GRM8: variants seen among roughly 807,000 people sequenced by gnomAD.
GRM8 encodes the protein metabotropic glutamate receptor 8.
Under a neutral mutation model 87.2 loss-of-function variants are expected in GRM8, and 47 were observed. The ratio of observed to expected loss-of-function variants is 0.54; its 90% CI spans 0.43 to 0.69. The LOEUF (loss-of-function observed/expected upper bound fraction) is 0.69, where lower values mean the gene tolerates loss of function less well. Among genes scored for constraint, GRM8 ranks in the 30% least tolerant of loss-of-function variants. The probability of loss-of-function intolerance (pLI) is 0.00; values close to 1 mark genes in which losing one functional copy is unlikely to be tolerated. For missense variants in GRM8, 1,019 were observed against 1,139.2 expected, an observed-to-expected ratio of 0.89 and a Z score of 1.52; for synonymous variants, 396 against 404.5, an observed-to-expected ratio of 0.98 and a Z score of 0.25.
At chr7:126,551,308 C>T (rs1792556939) in intron 8 of GRM8, among the ~76,000 whole-genome samples, 3 of 152,150 alleles carry the variant, frequency 2.0e-5, no homozygotes, top group African/African-American at 7.2e-5. Context: ...TTTTTTGAAG[C>T]CCTCCTTACT....
At chr7:127,203,644 G>A (rs1349256590) in intron 2 of GRM8, among the ~76,000 whole-genome samples, 1 of 151,970 alleles carries the variant, frequency 6.6e-6, no homozygotes, top group East Asian at 1.9e-4. Context: ...GGAAGTGGAG[G>A]TTGCAGTGAT....
chr7:126,973,444 T>C (rs1300277639), intron 3 of GRM8, among the ~76,000 whole-genome samples: 1 of 152,184 alleles, frequency 6.6e-6, no homozygotes, highest in Non-Finnish European at 1.5e-5. Flanking sequence ...ATAACATCTA[T>C]CCAATAGGTT....
intron 8 of GRM8, among the ~76,000 whole-genome samples, chr7:126,591,082 T>C (rs577848352): frequency 2.0e-5 from 3 of 152,064 alleles, no homozygotes; most frequent in Non-Finnish European, 2.9e-5. Flanking sequence ...AGATACAGAA[T>C]GGCAGAATGG....
intron 6 of GRM8, among the ~76,000 whole-genome samples, chr7:126,835,919 T>C (rs1399949455): frequency 6.6e-6 from 1 of 152,216 alleles, no homozygotes; most frequent in Non-Finnish European, 1.5e-5. Context: ...AGAATACTTG[T>C]TCAACATCTA....
chr7:126,487,761 A>T (rs1425363956), intron 9 of GRM8, among the ~76,000 whole-genome samples: 1 of 152,110 alleles, frequency 6.6e-6, no homozygotes, highest in Non-Finnish European at 1.5e-5. Context: ...CACCAAAAAA[A>T]GTATTTAAGA....
chr7:126,829,255 C>G (rs1436258582), intron 6 of GRM8, among the ~76,000 whole-genome samples: 4 of 145,140 alleles, frequency 2.8e-5, no homozygotes, highest in Non-Finnish European at 6.0e-5. Flanking sequence ...CCTGGGTATC[C>G]TTGTTAACTT....
At chr7:127,142,638 TGATA>T (rs1828336076) in intron 2 of GRM8, among the ~76,000 whole-genome samples, 1 of 152,114 alleles carries the variant, frequency 6.6e-6, no homozygotes, top group East Asian at 1.9e-4. Context: ...CCAGATAAAT[TGATA>T]GATATATGAT....
At chr7:126,987,119 T>A (rs1586679754) in intron 3 of GRM8, among the ~76,000 whole-genome samples, 1 of 152,314 alleles carries the variant, frequency 6.6e-6, no homozygotes, top group Non-Finnish European at 1.5e-5. Flanking sequence ...CTCTCAATAT[T>A]CTAAATCATT....
chr7:126,481,990 G>A (rs1806740970), intron 9 of GRM8, among the ~76,000 whole-genome samples: 1 of 151,926 alleles, frequency 6.6e-6, no homozygotes, highest in Non-Finnish European at 1.5e-5. Context: ...TTAAGAAATG[G>A]GCAAAGGACT....
intron 9 of GRM8, among the ~76,000 whole-genome samples, chr7:126,487,649 C>T (rs1182780336): frequency 2.0e-5 from 3 of 151,850 alleles, no homozygotes; most frequent in African/African-American, 4.8e-5. Flanking sequence ...ATGATGATTT[C>T]CTAATATCAT....
chr7:126,507,467 C>A (rs571106875), intron 9 of GRM8, among the ~76,000 whole-genome samples: 59 of 152,058 alleles, frequency 3.9e-4, no homozygotes, highest in Non-Finnish European at 6.5e-4. Context: ...ACAAATATAT[C>A]ATTTTTCTCA....
In GRM8 at chr7:127,114,140, C is replaced by T. The variant is rs28948974; in HGVS notation, c.511-7428G>A. Among the ~76,000 whole-genome samples the T allele has an allele frequency of 4.9e-3, 739 of 152,228 alleles. 1 individual carries two copies. The highest frequency in any genetic ancestry group is 7.8e-3 in the Admixed American group (120 of 15,296). On this transcript the variant is annotated intron_variant, in intron 2 of 10. Transcript: ENST00000339582. The stretch of plus-strand genomic sequence containing the variant: ...CTCAGAATAATCCTGTCCTCATAGT[C>T]GACAGTTATTAAGATTCCTGTTTGT...
chr7:126,754,025 G>A (rs972630093), intron 7 of GRM8, among the ~76,000 whole-genome samples: 1 of 151,738 alleles, frequency 6.6e-6, no homozygotes, highest in Admixed American at 6.6e-5. Context: ...GGGAACCACC[G>A]CCGGATAATG....
intron 6 of GRM8, among the ~76,000 whole-genome samples, chr7:126,781,620 C>T (rs1461922346): frequency 1.3e-5 from 2 of 152,132 alleles, no homozygotes; most frequent in Non-Finnish European, 2.9e-5. Flanking sequence ...AGTATTATCA[C>T]GGGAACACAT....
chr7:127,124,800 A>G (rs928624253), intron 2 of GRM8, among the ~76,000 whole-genome samples: 1 of 152,182 alleles, frequency 6.6e-6, no homozygotes, highest in Non-Finnish European at 1.5e-5. Flanking sequence ...TTAACAAAAT[A>G]TTGGGAAATC....
chr7:126,970,824 T>C (rs1386238989), intron 3 of GRM8, among the ~76,000 whole-genome samples: 2 of 152,072 alleles, frequency 1.3e-5, no homozygotes, highest in Non-Finnish European at 2.9e-5. Context: ...CTTGATAACA[T>C]AGGGACCACT....
chr7:126,562,183 A>T (rs1365447659), intron 8 of GRM8, among the ~76,000 whole-genome samples: 1 of 152,178 alleles, frequency 6.6e-6, no homozygotes, highest in Non-Finnish European at 1.5e-5. Flanking sequence ...CATTAAAAAG[A>T]GTGAACTAAA....
chr7:126,525,807 A>C (rs532501431), intron 9 of GRM8, among the ~76,000 whole-genome samples: 1 of 151,430 alleles, frequency 6.6e-6, no homozygotes, highest in African/African-American at 2.4e-5. Flanking sequence ...TATTTTTGTC[A>C]TTTACTTGTT....
chr7:126,851,496 G>T (rs970659522), intron 6 of GRM8, among the ~76,000 whole-genome samples: 1 of 152,122 alleles, frequency 6.6e-6, no homozygotes, highest in Non-Finnish European at 1.5e-5. Context: ...TGATGTGCTT[G>T]GTCTGGATCT....
Sources: allele counts gnomAD v4.1 joint callset (sites outside exome capture counted in the v4.1 genomes callset), GRCh38; gene constraint gnomAD v4.1.1; transcripts MANE v1.5; gene names NCBI Gene and HGNC (gene_info 2026-07-23, HGNC 2026-07-21).